Variants in CALN1 observed in about 807,000 individuals in gnomAD.
CALN1 encodes calneuron 1, also known as calcium-binding protein 8.
In CALN1, 17 loss-of-function variants were observed where a neutral mutation model predicts 30.6. The observed-to-expected ratio is 0.56, with a 90% confidence interval of 0.38 to 0.83. The LOEUF is 0.83. Among genes scored for constraint, CALN1 ranks in the 40% least tolerant of loss-of-function variants. The pLI is 0.00. For synonymous variants in CALN1, 156 were observed against 131.4 expected, an observed-to-expected ratio of 1.19 and a Z score of -1.28; for missense variants, 291 against 354.9, an observed-to-expected ratio of 0.82 and a Z score of 1.45.
rs369673586 is a variant in CALN1 at position 72,156,454 on chromosome 7, C to T, written c.245-50160G>A. ...GGGCACCTGATGGAGAGTAGGCAGT[C>T]GGGCCCACAACACTAGGACCCAAGC... On this transcript the variant is annotated intron_variant, in intron 3 of 6. Coordinates refer to ENST00000395275, the MANE Select transcript of CALN1 (RefSeq NM_031468.4). Among the ~76,000 whole-genome samples the T allele has an allele frequency of 9.2e-5, 14 of 152,252 alleles. No homozygotes were observed. In the South Asian group the frequency reaches 2.5e-3, roughly 27 times the overall value.
At chr7:72,231,963 T>C (rs1201713493) in intron 3 of CALN1, among the ~76,000 whole-genome samples, 1 of 152,216 alleles carries the variant, frequency 6.6e-6, no homozygotes, top group Non-Finnish European at 1.5e-5. Flanking sequence ...GCTGTTGTCT[T>C]GGACAAGACA....
rs750799621 is a variant in CALN1, at chr7:72,131,391, C to T, written c.245-25097G>A. Reference sequence around the variant, plus strand: ...CTCCCCTGATGATTCAGCACTGAAACGGTGCCTAATAATTTGCATGGTCCT... The same window carrying T: ...CTCCCCTGATGATTCAGCACTGAAATGGTGCCTAATAATTTGCATGGTCCT... On this transcript the variant is annotated intron_variant, in intron 3 of 6. Coordinates refer to ENST00000395275, the MANE Select transcript of CALN1 (RefSeq NM_031468.4). Among the ~76,000 whole-genome samples, 110 of 152,272 alleles carry T rather than the reference C, an allele frequency of 7.2e-4. No individual in the cohort carries two copies. In the Middle Eastern group the frequency reaches 0.014, roughly 19 times the overall value.
At chr7:71,789,245 C>T (rs1389315638) in intron 6 of CALN1, among the ~76,000 whole-genome samples, 3 of 151,980 alleles carry the variant, frequency 2.0e-5, no homozygotes, top group Non-Finnish European at 4.4e-5. Context: ...GGTGAAACCC[C>T]ATCTCTACTA....
chr7:72,121,142 T>G (rs1159095490), intron 3 of CALN1, among the ~76,000 whole-genome samples: 3 of 145,848 alleles, frequency 2.1e-5, no homozygotes, highest in Non-Finnish European at 4.5e-5. Flanking sequence ...ATATATGAAT[T>G]ATATATTATA....
rs1797839188 is a variant in CALN1 at position 71,971,953 on chromosome 7, A to AAAAAGAAAG, written c.501+51703_501+51704insCTTTCTTTT. Among the ~76,000 whole-genome samples, 330 of 72,754 alleles carry AAAAAGAAAG rather than the reference A, an allele frequency of 4.5e-3. 5 individuals are homozygous for AAAAAGAAAG. Among genetic ancestry groups the AAAAAGAAAG allele is most frequent in the Non-Finnish European group, 5.2e-3 (233 of 44,648 alleles). 47.7% of individuals were successfully genotyped at this position (72,754 alleles called of 152,430 possible). ...CTCAAAAAAAAAAAAAAAAAAAAAA[A>AAAAAGAAAG]AAAGAAAGAAAGAAAGAAAGAAAGA... On this transcript the variant is annotated intron_variant, in intron 5 of 6. Coordinates refer to ENST00000395275, the MANE Select transcript of CALN1 (RefSeq NM_031468.4).
chr7:71,802,026 T>G (rs895975632), intron 6 of CALN1, among the ~76,000 whole-genome samples: 2 of 151,674 alleles, frequency 1.3e-5, no homozygotes, highest in Non-Finnish European at 2.9e-5. Context: ...AAACCCGCAA[T>G]TACTTGTGCA....
chr7:72,099,511 TA>T (rs1290666776), intron 4 of CALN1, among the ~76,000 whole-genome samples: 2 of 151,868 alleles, frequency 1.3e-5, no homozygotes, highest in African/African-American at 4.8e-5. Flanking sequence ...TAAGGACAAT[TA>T]AATGCAGTCA....
intron 4 of CALN1, among the ~76,000 whole-genome samples, chr7:72,026,896 G>A (rs1801094317): frequency 6.8e-6 from 1 of 147,124 alleles, no homozygotes; most frequent in African/African-American, 2.6e-5. Flanking sequence ...AACTCCACGT[G>A]GCTCCACGTC....
At chr7:72,388,276 A>C (rs1042576914) in intron 2 of CALN1, among the ~76,000 whole-genome samples, 2 of 152,182 alleles carry the variant, frequency 1.3e-5, no homozygotes, top group African/African-American at 4.8e-5. Context: ...TTTTTTAAAA[A>C]GGGGCACGTC....
chr7:72,113,421 TTA>T (rs1323606525), intron 3 of CALN1, among the ~76,000 whole-genome samples: 1 of 152,238 alleles, frequency 6.6e-6, no homozygotes, highest in African/African-American at 2.4e-5. Context: ...GCCATGCTTC[TTA>T]TACAGTCCGC....
chr7:72,013,262 T>TC (rs1800192789), intron 5 of CALN1, among the ~76,000 whole-genome samples: 1 of 145,994 alleles, frequency 6.8e-6, no homozygotes, highest in Non-Finnish European at 1.5e-5. Flanking sequence ...TTTTTTTTTT[T>TC]TTTTTTTTTG....
chr7:72,091,418 GA>G (rs5884875), intron 4 of CALN1, among the ~76,000 whole-genome samples: 31,261 of 152,098 alleles, frequency 0.21, 3,501 homozygotes, highest in East Asian at 0.28. Context: ...CTAACACAAA[GA>G]AATTGTGAGC....
intron 5 of CALN1, among the ~76,000 whole-genome samples, chr7:71,866,409 T>C (rs1217244328): frequency 2.0e-5 from 3 of 152,138 alleles, no homozygotes; most frequent in African/African-American, 2.4e-5. Flanking sequence ...GCAATATACA[T>C]ATTATATATG....
chr7:72,303,435 T>C (rs1799431369), intron 2 of CALN1, among the ~76,000 whole-genome samples: 1 of 151,958 alleles, frequency 6.6e-6, no homozygotes, highest in Non-Finnish European at 1.5e-5. Context: ...GGCATGCCTG[T>C]AATCCCAGCT....
intron 2 of CALN1, among the ~76,000 whole-genome samples, chr7:72,322,350 A>T (rs200109460): frequency 6.6e-6 from 1 of 152,148 alleles, no homozygotes; most frequent in African/African-American, 2.4e-5. Context: ...GAGTGGCTGT[A>T]AATACAGAAG....
At chr7:72,320,526 A>C (rs1800800137) in intron 2 of CALN1, among the ~76,000 whole-genome samples, 1 of 152,176 alleles carries the variant, frequency 6.6e-6, no homozygotes, top group African/African-American at 2.4e-5. Context: ...ACACTTGTAC[A>C]AGTTGAGCAA....
At chr7:72,024,708 C>T (rs550951871) in intron 4 of CALN1, among the ~76,000 whole-genome samples, 1 of 152,024 alleles carries the variant, frequency 6.6e-6, no homozygotes, top group Non-Finnish European at 1.5e-5. Context: ...CTGAACAGCA[C>T]CTTTGACTGA....
chr7:72,149,297 G>A (rs999149154), intron 3 of CALN1, among the ~76,000 whole-genome samples: 10 of 151,710 alleles, frequency 6.6e-5, no homozygotes, highest in South Asian at 2.1e-4. Context: ...GTAAAACCCC[G>A]TCTCTACTAA....
chr7:72,348,039 G>A (rs1802736285), intron 2 of CALN1, among the ~76,000 whole-genome samples: 1 of 152,100 alleles, frequency 6.6e-6, no homozygotes, highest in Admixed American at 6.5e-5. Context: ...GCTGAGGCAA[G>A]AAAATTGCTT....
Sources: allele counts gnomAD v4.1 joint callset (sites outside exome capture counted in the v4.1 genomes callset), GRCh38; gene constraint gnomAD v4.1.1; transcripts MANE v1.5; gene names NCBI Gene and HGNC (gene_info 2026-07-23, HGNC 2026-07-21).